SRGAP2C: variants seen among roughly 807,000 people sequenced by gnomAD.
The protein encoded by SRGAP2C is SLIT-ROBO Rho GTPase activating protein 2C, also known as SLIT-ROBO Rho GTPase-activating protein 2C.
SRGAP2C carries 15 observed loss-of-function variants against 25.1 expected under a neutral mutation model. That is an observed-to-expected ratio of 0.60 (90% CI 0.40 to 0.92). The LOEUF is 0.92. SRGAP2C is among the 40% of genes least tolerant of loss of function. The pLI is 0.00. For missense variants in SRGAP2C, 144 were observed against 264.4 expected (o/e 0.54, Z 3.16); for synonymous variants, 44 against 96.6 (o/e 0.46, Z 3.19).
chr1:121,293,883 G>A (rs1164416683), intron 3 of SRGAP2C, among the ~76,000 whole-genome samples: 1 of 94,624 alleles, frequency 1.1e-5, no homozygotes, highest in Non-Finnish European at 2.2e-5. Flanking sequence ...TTGGGATGCA[G>A]CAGGTTGGCC....
At chr1:121,204,132 G>A (rs1325997949) in intron 2 of SRGAP2C, among the ~76,000 whole-genome samples, 1 of 117,990 alleles carries the variant, frequency 8.5e-6, no homozygotes, top group Non-Finnish European at 1.7e-5. Context: ...GATGAGCCTG[G>A]GCAACATTTT....
At chr1:121,188,812 A>G (rs1188703470) in intron 2 of SRGAP2C, among the ~76,000 whole-genome samples, 2 of 147,392 alleles carry the variant, frequency 1.4e-5, no homozygotes, top group Non-Finnish European at 1.5e-5. Flanking sequence ...TTTTTACGTC[A>G]TTAGTTTGGT....
intron 5 of SRGAP2C, among the ~76,000 whole-genome samples, chr1:121,370,474 C>T (rs1487329403): frequency 2.4e-5 from 3 of 125,342 alleles, no homozygotes; most frequent in African/African-American, 9.1e-5. Context: ...TGGAGTCTCG[C>T]TCTGTTGCCC....
At chr1:121,347,734 C>A (rs1658783858) in intron 4 of SRGAP2C, among the ~76,000 whole-genome samples, 1 of 152,144 alleles carries the variant, frequency 6.6e-6, no homozygotes, top group African/African-American at 2.4e-5. Flanking sequence ...CACAGTGACA[C>A]AAAGGGTGTT....
intron 4 of SRGAP2C, chr1:121,360,696 G>A (rs1409982530): frequency 2.5e-5 from 1 of 39,704 alleles, no homozygotes. Flanking sequence ...AGCATTTCAG[G>A]CAAAGTGCCA....
intron 4 of SRGAP2C, among the ~76,000 whole-genome samples, chr1:121,325,778 A>AT (rs1474538450): frequency 1.6e-5 from 1 of 63,362 alleles, no homozygotes; most frequent in Non-Finnish European, 2.9e-5. Context: ...TTAATACCCC[A>AT]TTTTTTTTCT....
intron 4 of SRGAP2C, among the ~76,000 whole-genome samples, chr1:121,347,727 A>G (rs1284567369): frequency 6.6e-6 from 1 of 152,214 alleles, no homozygotes; most frequent in African/African-American, 2.4e-5. Context: ...AGAAAGGCAC[A>G]GTGACACAAA....
At chr1:121,210,236 A>G (rs1205765757) in intron 2 of SRGAP2C, among the ~76,000 whole-genome samples, 8 of 151,910 alleles carry the variant, frequency 5.3e-5, no homozygotes, top group African/African-American at 1.9e-4. Flanking sequence ...GGGTAAACAA[A>G]ATCAAATACT....
intron 2 of SRGAP2C, among the ~76,000 whole-genome samples, chr1:121,210,187 G>T (rs1372903325): frequency 6.6e-6 from 1 of 151,846 alleles, no homozygotes; most frequent in Non-Finnish European, 1.5e-5. Context: ...CCTTCTCATA[G>T]ATCTGAGATT....
At chr1:121,297,081 G>A (rs1428566458) in intron 3 of SRGAP2C, among the ~76,000 whole-genome samples, 1 of 152,066 alleles carries the variant, frequency 6.6e-6, no homozygotes, top group African/African-American at 2.4e-5. Flanking sequence ...CCCAGATGTA[G>A]CACCTGGTGT....
At chr1:121,308,192 C>T (rs1212770073) in intron 3 of SRGAP2C, among the ~76,000 whole-genome samples, 4 of 104,742 alleles carry the variant, frequency 3.8e-5, no homozygotes, top group African/African-American at 1.3e-4. Context: ...AATAAGAAAA[C>T]AGTTACTAGT....
chr1:121,308,721 C>G (rs1447011431), intron 3 of SRGAP2C, among the ~76,000 whole-genome samples: 12 of 150,814 alleles, frequency 8.0e-5, no homozygotes, highest in Admixed American at 6.6e-5. Context: ...GACAGATCAC[C>G]TGAGGTCAGG....
At chr1:121,370,664 T>G (rs1199384852) in intron 5 of SRGAP2C, among the ~76,000 whole-genome samples, 14 of 152,126 alleles carry the variant, frequency 9.2e-5, no homozygotes, top group African/African-American at 1.4e-4. Flanking sequence ...CAGGATGGTC[T>G]CAATCTCCTG....
At chr1:121,249,580 A>ATT (rs1159053572) in intron 2 of SRGAP2C, among the ~76,000 whole-genome samples, 27 of 22,356 alleles carry the variant, frequency 1.2e-3, no homozygotes, top group East Asian at 7.1e-3. Flanking sequence ...ATATATATAT[A>ATT]TTTTTTTTTT....
intron 2 of SRGAP2C, among the ~76,000 whole-genome samples, chr1:121,280,281 A>G (rs1203775996): frequency 2.5e-4 from 38 of 150,952 alleles, no homozygotes; most frequent in African/African-American, 9.2e-4. Context: ...AAAAAACATA[A>G]TAAGAAAAAA....
intron 7 of SRGAP2C, among the ~76,000 whole-genome samples, chr1:121,380,420 CAG>C (rs1553354570): frequency 7.9e-6 from 1 of 126,310 alleles, no homozygotes; most frequent in Non-Finnish European, 1.7e-5. Flanking sequence ...CTACCCTAAA[CAG>C]AGAGTATCTC....
chr1:121,371,116 A>G (rs1440819111), intron 5 of SRGAP2C, among the ~76,000 whole-genome samples: 1 of 149,574 alleles, frequency 6.7e-6, no homozygotes, highest in Non-Finnish European at 1.5e-5. Flanking sequence ...CATAGTTTGC[A>G]TTTGCCTATC....
At chr1:121,310,451 G>C (rs1657956083) in intron 3 of SRGAP2C, among the ~76,000 whole-genome samples, 1 of 132,752 alleles carries the variant, frequency 7.5e-6, no homozygotes, top group African/African-American at 3.0e-5. Flanking sequence ...TGTCAATTTT[G>C]GCTTTTGTTG....
At chr1:121,310,340 GT>G (rs1657953732) in intron 3 of SRGAP2C, among the ~76,000 whole-genome samples, 1 of 116,134 alleles carries the variant, frequency 8.6e-6, no homozygotes, top group Non-Finnish European at 1.7e-5. Context: ...TGTCAGATGA[GT>G]AGGTTGCAAA....
Sources: allele counts gnomAD v4.1 joint callset (sites outside exome capture counted in the v4.1 genomes callset), GRCh38; gene constraint gnomAD v4.1.1; transcripts MANE v1.5; gene names NCBI Gene and HGNC (gene_info 2026-07-23, HGNC 2026-07-21).